The following LTBP1 variants were observed in gnomAD, a reference collection of about 807,000 sequenced individuals.
LTBP1 encodes latent transforming growth factor beta binding protein 1, also known as latent-transforming growth factor beta-binding protein 1.
A neutral mutation model predicts 207.6 loss-of-function variants in LTBP1; 129 were observed. The observed-to-expected ratio is 0.62, with a 90% CI of 0.54 to 0.72. The LOEUF is 0.72. LTBP1 is among the 30% of genes least tolerant of loss of function. LTBP1 has a pLI of 0.00. For synonymous variants in LTBP1, 963 were observed against 833.7 expected, an observed-to-expected ratio of 1.16 and a Z score of -2.67; for missense variants, 2,281 against 2,217.2, an observed-to-expected ratio of 1.03 and a Z score of -0.58.
intron 2 of LTBP1, among the ~76,000 whole-genome samples, chr2:32,961,862 C>G (rs576421155): frequency 6.6e-6 from 1 of 151,050 alleles, no homozygotes; most frequent in Admixed American, 6.6e-5. Flanking sequence ...AGGGGAATCA[C>G]TTGAACCAGG....
At chr2:33,342,075 T>C (rs1305386023) in intron 24 of LTBP1, among the ~76,000 whole-genome samples, 1 of 152,164 alleles carries the variant, frequency 6.6e-6, no homozygotes, top group African/African-American at 2.4e-5. Context: ...AGGAAATTAG[T>C]AACCGTAAGA....
At chr2:33,172,089 A>G (rs916361573) in intron 5 of LTBP1, among the ~76,000 whole-genome samples, 6 of 152,224 alleles carry the variant, frequency 3.9e-5, no homozygotes, top group African/African-American at 1.2e-4. Flanking sequence ...CTAGGAAGAA[A>G]CTGCATCAAC....
chr2:33,202,022 A>AACACAC (rs10558832), intron 7 of LTBP1, among the ~76,000 whole-genome samples: 4,890 of 140,610 alleles, frequency 0.035, 240 homozygotes, highest in African/African-American at 0.11. Context: ...TTAGCACTGG[A>AACACAC]ACACACACAC....
chr2:33,337,536 C>T (rs1259277028), intron 24 of LTBP1, among the ~76,000 whole-genome samples: 1 of 152,178 alleles, frequency 6.6e-6, no homozygotes, highest in Non-Finnish European at 1.5e-5. Flanking sequence ...TTTATATCTG[C>T]CTTCTTCAGT....
intron 29 of LTBP1, 129 bp from the exon 30 acceptor site, chr2:33,364,087 T>C (rs2094956436): frequency 1.3e-6 from 1 of 769,100 alleles, no homozygotes; most frequent in Admixed American, 2.7e-5. Flanking sequence ...TGGATGATAA[T>C]GTGTGGTTAA....
At chr2:33,239,259 C>A (rs906404356) in intron 9 of LTBP1, among the ~76,000 whole-genome samples, 3 of 152,168 alleles carry the variant, frequency 2.0e-5, no homozygotes, top group African/African-American at 7.2e-5. Context: ...GCACATGGGT[C>A]CGTATGAATT....
intron 9 of LTBP1, among the ~76,000 whole-genome samples, chr2:33,234,233 G>T (rs144793801): frequency 2.0e-5 from 3 of 152,000 alleles, no homozygotes; most frequent in Non-Finnish European, 2.9e-5. Flanking sequence ...AGACCCCATT[G>T]CCCCAAAGTT....
chr2:33,071,718 T>C (rs982887211), intron 3 of LTBP1, among the ~76,000 whole-genome samples: 7 of 152,198 alleles, frequency 4.6e-5, no homozygotes, highest in Admixed American at 3.9e-4. Context: ...TTACAGGCTG[T>C]TTTGGGCTTT....
intron 5 of LTBP1, among the ~76,000 whole-genome samples, chr2:33,170,309 C>T (rs533840587): frequency 5.8e-4 from 89 of 152,284 alleles, no homozygotes; most frequent in African/African-American, 2.0e-3. Flanking sequence ...CCTAATACTG[C>T]GCTTTTCCGA....
chr2:33,138,469 C>A (rs565252275), intron 5 of LTBP1, among the ~76,000 whole-genome samples: 1 of 151,300 alleles, frequency 6.6e-6, no homozygotes, highest in African/African-American at 2.4e-5. Flanking sequence ...TTGAGCTCAG[C>A]CTTGCTGTTT....
At chr2:33,027,658 A>AC (rs1282504469) in intron 3 of LTBP1, among the ~76,000 whole-genome samples, 1 of 151,974 alleles carries the variant, frequency 6.6e-6, no homozygotes, top group Non-Finnish European at 1.5e-5. Context: ...AGATGGTGAA[A>AC]CCCCTTCTCT....
intron 2 of LTBP1, among the ~76,000 whole-genome samples, chr2:32,996,066 C>G (rs1213078798): frequency 1.3e-5 from 2 of 152,144 alleles, no homozygotes; most frequent in Non-Finnish European, 2.9e-5. Flanking sequence ...CCAAGAACAT[C>G]TTTTATGGCC....
chr2:32,975,505 C>T (rs919197247), intron 2 of LTBP1, among the ~76,000 whole-genome samples: 1 of 144,876 alleles, frequency 6.9e-6, no homozygotes, highest in Non-Finnish European at 1.5e-5. Context: ...CTCACTCTTT[C>T]TTTCAGGGAT....
intron 2 of LTBP1, among the ~76,000 whole-genome samples, chr2:32,995,945 T>C (rs1685201707): frequency 1.3e-5 from 2 of 152,214 alleles, no homozygotes; most frequent in South Asian, 4.1e-4. Flanking sequence ...AGTTTAACCC[T>C]AGTCCTAACC....
At chr2:33,153,749 G>A (rs529381216) in intron 5 of LTBP1, among the ~76,000 whole-genome samples, 36 of 152,252 alleles carry the variant, frequency 2.4e-4, no homozygotes, top group African/African-American at 7.9e-4. Context: ...TAGATTAACA[G>A]CATCTTGAAT....
intron 4 of LTBP1, among the ~76,000 whole-genome samples, chr2:33,121,135 C>T (rs1307335114): frequency 2.3e-5 from 3 of 129,100 alleles, no homozygotes; most frequent in Admixed American, 7.7e-5. Flanking sequence ...TGATTTTCTT[C>T]AGTGGAAATA....
chr2:33,034,053 T>C (rs1358724846), intron 3 of LTBP1, among the ~76,000 whole-genome samples: 2 of 152,034 alleles, frequency 1.3e-5, no homozygotes, highest in East Asian at 3.9e-4. Flanking sequence ...ACCGTCCTAA[T>C]TGGGTTTGTG....
chr2:32,969,864 C>G (rs1482342428), intron 2 of LTBP1, among the ~76,000 whole-genome samples: 1 of 152,152 alleles, frequency 6.6e-6, no homozygotes, highest in African/African-American at 2.4e-5. Context: ...TCCACAGTGG[C>G]TGAACTAATT....
At chr2:33,138,189 G>T (rs1214799558) in intron 5 of LTBP1, among the ~76,000 whole-genome samples, 1 of 152,188 alleles carries the variant, frequency 6.6e-6, no homozygotes, top group Non-Finnish European at 1.5e-5. Context: ...GGGCTTTCCA[G>T]GTGTGAAAGG....
Sources: allele counts gnomAD v4.1 joint callset (sites outside exome capture counted in the v4.1 genomes callset), GRCh38; gene constraint gnomAD v4.1.1; transcripts MANE v1.5; gene names NCBI Gene and HGNC (gene_info 2026-07-23, HGNC 2026-07-21).